CCDC91: variants seen among roughly 807,000 people sequenced by gnomAD.
CCDC91 encodes coiled-coil domain containing 91, also known as coiled-coil domain-containing protein 91.
CCDC91 carries 48 observed loss-of-function variants against 63.2 expected under a neutral mutation model. The ratio of observed to expected loss-of-function variants is 0.76; its 90% CI spans 0.60 to 0.97. CCDC91 has a LOEUF of 0.97. CCDC91 is among the 50% of genes least tolerant of loss of function. The pLI, the probability that CCDC91 is intolerant of heterozygous loss-of-function variation, is 0.00. For missense variants in CCDC91, 500 were observed against 494.6 expected, an observed-to-expected ratio of 1.01 and a Z score of -0.10; for synonymous variants, 167 against 165.8, an observed-to-expected ratio of 1.01 and a Z score of -0.06.
At chr12:28,206,520 G>C (rs1942862808) in intron 1 of CCDC91, among the ~76,000 whole-genome samples, 1 of 152,142 alleles carries the variant, frequency 6.6e-6, no homozygotes, top group Admixed American at 6.5e-5. Flanking sequence ...CCAAGGGTTT[G>C]GAGTATGCTC....
chr12:28,392,534 C>G (rs143404134), intron 8 of CCDC91, among the ~76,000 whole-genome samples: 1 of 152,120 alleles, frequency 6.6e-6, no homozygotes, highest in African/African-American at 2.4e-5. Context: ...ATGACACATT[C>G]GATTTCAATT....
At chr12:28,332,538 G>A (rs1160607770) in intron 6 of CCDC91, among the ~76,000 whole-genome samples, 1 of 152,114 alleles carries the variant, frequency 6.6e-6, no homozygotes, top group Admixed American at 6.5e-5. Context: ...TAACAAATGA[G>A]AAAAAATATT....
intron 11 of CCDC91, among the ~76,000 whole-genome samples, chr12:28,455,958 A>G (rs1241851312): frequency 6.6e-6 from 1 of 152,146 alleles, no homozygotes; most frequent in Non-Finnish European, 1.5e-5. Context: ...GTCAACAGTC[A>G]GTATTCAAAT....
intron 1 of CCDC91, among the ~76,000 whole-genome samples, chr12:28,200,221 T>C (rs910578592): frequency 6.6e-6 from 1 of 150,474 alleles, no homozygotes; most frequent in Admixed American, 6.6e-5. Flanking sequence ...AAATGTGCAG[T>C]TGAACTCTTC....
intron 12 of CCDC91, among the ~76,000 whole-genome samples, chr12:28,500,277 C>T (rs545768134): frequency 6.6e-6 from 1 of 151,086 alleles, no homozygotes; most frequent in South Asian, 2.1e-4. Flanking sequence ...CAAAAATTTT[C>T]TCCCATTCTG....
chr12:28,511,795 T>A (rs1939406009), intron 12 of CCDC91, among the ~76,000 whole-genome samples: 1 of 151,908 alleles, frequency 6.6e-6, no homozygotes, highest in Non-Finnish European at 1.5e-5. Context: ...GGTCCTTTGC[T>A]GTCATTTTAT....
At chr12:28,441,348 A>G (rs548666916) in intron 8 of CCDC91, among the ~76,000 whole-genome samples, 1 of 152,034 alleles carries the variant, frequency 6.6e-6, no homozygotes, top group Non-Finnish European at 1.5e-5. Flanking sequence ...TTAATCATAC[A>G]CAGTCCTACT....
intron 3 of CCDC91, among the ~76,000 whole-genome samples, chr12:28,284,344 T>C (rs1473808993): frequency 6.6e-6 from 1 of 152,114 alleles, no homozygotes; most frequent in Non-Finnish European, 1.5e-5. Flanking sequence ...TTGTATTTAA[T>C]GCATATCTAT....
chr12:28,267,633 T>A (rs1442591104), intron 3 of CCDC91, among the ~76,000 whole-genome samples: 1 of 133,706 alleles, frequency 7.5e-6, no homozygotes, highest in Non-Finnish European at 1.6e-5. Flanking sequence ...AGGTCATATA[T>A]ACCTAATTAA....
At chr12:28,415,583 A>G (rs1183000427) in intron 8 of CCDC91, among the ~76,000 whole-genome samples, 1 of 152,208 alleles carries the variant, frequency 6.6e-6, no homozygotes, top group East Asian at 1.9e-4. Flanking sequence ...TATCCATGAA[A>G]AAAATAATTA....
At chr12:28,431,622 G>A (rs1292975996) in intron 8 of CCDC91, among the ~76,000 whole-genome samples, 3 of 151,574 alleles carry the variant, frequency 2.0e-5, no homozygotes, top group African/African-American at 4.9e-5. Flanking sequence ...TTTGTTCTTC[G>A]CAGCATCCTT....
chr12:28,435,168 T>C (rs1948839284), intron 8 of CCDC91, among the ~76,000 whole-genome samples: 1 of 151,772 alleles, frequency 6.6e-6, no homozygotes. Context: ...ATATTTATTT[T>C]GTTTTGCTTA....
rs1432083401 is a variant in CCDC91 at position 28,233,156 on chromosome 12, A to G, written c.-14-24046A>G. On this transcript the variant is annotated intron_variant, in intron 1 of 12. Transcript: ENST00000536442. ...TCGTGTGCTGAGTTCTGATAAATAT[A>G]TACCTGTGTAACAATACTCCAGTCA... Among the ~76,000 whole-genome samples, 4 of 152,004 alleles carry G rather than the reference A, an allele frequency of 2.6e-5. No homozygotes were observed. The East Asian group carries it at 5.8e-4, about 22-fold the overall frequency.
chr12:28,458,455 CTTTTTTTTTT>C (rs60083355), intron 11 of CCDC91, among the ~76,000 whole-genome samples: 31 of 45,804 alleles, frequency 6.8e-4, no homozygotes, highest in South Asian at 1.4e-3. Context: ...ATTTGCACAC[CTTTTTTTTTT>C]TTTTTTTTTT....
intron 1 of CCDC91, among the ~76,000 whole-genome samples, chr12:28,220,998 T>A (rs987361244): frequency 1.3e-5 from 2 of 152,144 alleles, no homozygotes; most frequent in African/African-American, 4.8e-5. Context: ...CAGAAAATTT[T>A]CAGCCATACT....
intron 7 of CCDC91, among the ~76,000 whole-genome samples, 159 bp from the exon 8 acceptor site, chr12:28,391,145 A>G (rs1945914247): frequency 6.6e-6 from 1 of 152,046 alleles, no homozygotes; most frequent in Non-Finnish European, 1.5e-5. Context: ...GCTGAAAGTA[A>G]TGTTATATAT....
At chr12:28,204,008 G>T (rs1260321669) in intron 1 of CCDC91, among the ~76,000 whole-genome samples, 9 of 152,010 alleles carry the variant, frequency 5.9e-5, no homozygotes, top group Non-Finnish European at 1.3e-4. Context: ...CCTTGATTTT[G>T]TGAAAATGTC....
At chr12:28,294,787 G>A (rs1488043377) in intron 3 of CCDC91, among the ~76,000 whole-genome samples, 2 of 152,082 alleles carry the variant, frequency 1.3e-5, no homozygotes, top group Non-Finnish European at 2.9e-5. Context: ...GTTTTGCCAT[G>A]TTGGCCAGGC....
intron 8 of CCDC91, among the ~76,000 whole-genome samples, chr12:28,406,681 G>T (rs1314626511): frequency 6.6e-6 from 1 of 152,094 alleles, no homozygotes; most frequent in Non-Finnish European, 1.5e-5. Context: ...TCTTATCCAA[G>T]AAACCATTGC....
Sources: allele counts gnomAD v4.1 joint callset (sites outside exome capture counted in the v4.1 genomes callset), GRCh38; gene constraint gnomAD v4.1.1; transcripts MANE v1.5; gene names NCBI Gene and HGNC (gene_info 2026-07-23, HGNC 2026-07-21).